The following LSG1 variants were observed in gnomAD, a reference collection of about 807,000 sequenced individuals.
LSG1 encodes large 60S subunit nuclear export GTPase 1, also known as large subunit GTPase 1 homolog.
In LSG1, 55 loss-of-function variants were observed where a neutral mutation model predicts 82.6. That is an observed-to-expected ratio of 0.67 (90% CI 0.54 to 0.83). The LOEUF (loss-of-function observed/expected upper bound fraction) is 0.83. Among genes scored for constraint, LSG1 ranks in the 40% least tolerant of loss-of-function variants. The probability of loss-of-function intolerance (pLI) is 0.00; values close to 1 mark genes in which losing one functional copy is unlikely to be tolerated. For synonymous variants in LSG1, 272 were observed against 282.5 expected, an observed-to-expected ratio of 0.96 and a Z score of 0.37; for missense variants, 809 against 807.9, an observed-to-expected ratio of 1.00 and a Z score of -0.02.
At chr3:194,653,225 C>T in intron 7 of LSG1, 83 bp from the exon 8 acceptor site, 1 of 1,405,720 alleles carries the variant, frequency 7.1e-7, no homozygotes, top group Non-Finnish European at 9.8e-7. Flanking sequence ...GTAAGATGGA[C>T]AGAGGATGGC....
At chr3:194,654,185 T>C (rs543945122) in intron 7 of LSG1, among the ~76,000 whole-genome samples, 5 of 152,162 alleles carry the variant, frequency 3.3e-5, no homozygotes, top group Non-Finnish European at 4.4e-5. Flanking sequence ...CACACACAGA[T>C]CCCTGTGTGT....
At position 194,646,083 on chromosome 3, in the gene LSG1, G is replaced by T. The variant is rs186321144; in HGVS notation, c.1623+81C>A. ...ATGAAAAAATATTTCCTTTATAATC[G>T]AACAGGTTACCATTATCTAAGAACG... On this transcript the variant is annotated intron_variant, in intron 12 of 13. Transcript: ENST00000265245. The T allele has an allele frequency of 8.2e-6, 11 of 1,340,456 alleles. No homozygotes were observed. The African/African-American group carries it at 1.3e-4, about 16-fold the overall frequency. The allele number at this position is 1,340,456 out of a possible 1,614,324, so 83.0% of individuals were successfully genotyped here.
rs1560218843 is a variant in LSG1, at chr3:194,644,391, TAAATAAATA to T, written c.1797+173_1797+181del. ...CTCAAAAAAAAAAAATAAAAATAAATAAATAAATAAATAAATAAATAAATAAATAAATAA... is the reference window on the plus strand; with the variant it reads ...CTCAAAAAAAAAAAATAAAAATAAATAATAAATAAATAAATAAATAAATAA... On this transcript the variant is annotated intron_variant, in intron 13 of 13. Coordinates refer to ENST00000265245, the MANE Select transcript of LSG1 (RefSeq NM_018385.3). Among the ~76,000 whole-genome samples the T allele has an allele frequency of 5.0e-4, 37 of 73,716 alleles. 1 individual carries two copies. Among genetic ancestry groups the T allele is most frequent in the African/African-American group, 1.6e-3 (36 of 22,046 alleles). The allele number at this position is 73,716 out of a possible 152,430, so 48.4% of individuals were successfully genotyped here.
chr3:194,662,370 G>C (rs180872017), intron 5 of LSG1, among the ~76,000 whole-genome samples: 7 of 152,368 alleles, frequency 4.6e-5, no homozygotes, highest in African/African-American at 1.7e-4. Flanking sequence ...GGGGAATTCA[G>C]CATAAGCCTA....
chr3:194,663,242 G>A (rs1305313518), intron 5 of LSG1, among the ~76,000 whole-genome samples: 2 of 152,162 alleles, frequency 1.3e-5, no homozygotes, highest in Non-Finnish European at 2.9e-5. Context: ...CAACGAAGAG[G>A]CTACTCTGCT....
chr3:194,652,723 T>C lies in LSG1; in HGVS notation c.1173+6A>G, dbSNP rs1278830677. The C allele has an allele frequency of 1.2e-6, 2 of 1,609,828 alleles. No individual in the cohort carries two copies. Among genetic ancestry groups the C allele is most frequent in the Admixed American group, 1.7e-5 (1 of 59,754 alleles). ...GGTAACAATGTTATGACATATGTCA[T>C]CTTACCAGTCCGACCGTAAGTTGCC... is the stretch of plus-strand genomic sequence containing the variant. On this transcript the variant is annotated splice_donor_region_variant and intron_variant, in intron 8 of 13. Transcript: ENST00000265245.
At position 194,648,745 on chromosome 3, in the gene LSG1, C is replaced by T. The variant is rs59999692; in HGVS notation, c.1479G>A (p.Thr493=). 5.0e-4 allele frequency: 800 copies of T among 1,614,024 alleles called. 6 individuals are homozygous for T. The African/African-American group carries it at 7.8e-3, about 16-fold the overall frequency. The change falls in exon 11 of 14, where the codon ACG becomes ACA. Residue 493 remains threonine (T), a synonymous_variant. Coordinates refer to ENST00000265245, the MANE Select transcript of LSG1 (RefSeq NM_018385.3). ...GGTGGGGATCTTCATCCTCTCTAGG[C>T]GTTATGATGTTAATGCCATAGGTAG... is the stretch of plus-strand genomic sequence containing the variant. The part of the protein sequence containing the change: ...LEATYGINII[T]PREDEDPHRP...
chr3:194,662,090 G>A (rs187957792), intron 5 of LSG1, among the ~76,000 whole-genome samples: 104 of 152,316 alleles, frequency 6.8e-4, no homozygotes, highest in African/African-American at 2.3e-3. Context: ...TCATGCCCCT[G>A]ACGCCCAAGA....
At chr3:194,656,072 A>G (rs1316074466) in intron 7 of LSG1, among the ~76,000 whole-genome samples, 2 of 152,128 alleles carry the variant, frequency 1.3e-5, no homozygotes, top group African/African-American at 4.8e-5. Flanking sequence ...AGGCAATACC[A>G]TTCAGGACAC....
intron 7 of LSG1, 97 bp downstream of exon 7, chr3:194,658,860 G>A (rs1021896617): frequency 5.5e-5 from 68 of 1,232,986 alleles, no homozygotes; most frequent in Non-Finnish European, 7.6e-5. Flanking sequence ...AATTCCCACA[G>A]ATTTTCCATA....
Position 194,659,056 on chromosome 3 carries a change from C to G in LSG1, c.660G>C (p.Glu220Asp). 2 of 1,614,198 alleles carry G rather than the reference C, an allele frequency of 1.2e-6. No homozygotes were observed. The change falls in exon 7 of 14, where the codon GAG becomes GAC. Residue 220 changes from glutamate to aspartate, a missense_variant. Physicochemically the swap from Glu to Asp is conservative, Grantham distance 45. Transcript: ENST00000265245. ...AGTACATGGCCCAGGCACTCCGCTG[C>G]TCAGCAGTCAGCAAGTCTGCCTTGT... ...LINKADLLTA[E>D]QRSAWAMYFE...
chr3:194,661,157 G>C (rs991940477), intron 5 of LSG1, among the ~76,000 whole-genome samples: 7 of 152,218 alleles, frequency 4.6e-5, no homozygotes, highest in African/African-American at 1.7e-4. Flanking sequence ...TTTTAGGATA[G>C]TTAAAATGTC....
intron 5 of LSG1, among the ~76,000 whole-genome samples, chr3:194,662,587 A>G (rs576005776): frequency 6.6e-6 from 1 of 152,092 alleles, no homozygotes; most frequent in South Asian, 2.1e-4. Context: ...ACATGGAGAA[A>G]CCCCGTCTCT....
In LSG1 at chr3:194,652,854, T is replaced by C. The variant is rs1486792674; in HGVS notation, c.1048A>G (p.Lys350Glu). Residue 350 changes from lysine to glutamate, a missense_variant, in exon 8 of 14, where the codon AAA becomes GAA. Coordinates refer to ENST00000265245, the MANE Select transcript of LSG1 (RefSeq NM_018385.3). ...TGTATCTGCCTCTTCTGTGGGGTTTTCCTGCTCCGAGCCTCAGAATCTGCA... is the reference window on the plus strand; with the variant it reads ...TGTATCTGCCTCTTCTGTGGGGTTTCCCTGCTCCGAGCCTCAGAATCTGCA... ...STADSEARSR[K>E]TPQKRQIHNF... The C allele has an allele frequency of 6.2e-7, 1 of 1,614,058 alleles. No homozygotes were observed. Among genetic ancestry groups the C allele is most frequent in the Non-Finnish European group, 8.5e-7 (1 of 1,180,048 alleles).
intron 7 of LSG1, among the ~76,000 whole-genome samples, chr3:194,656,233 A>C (rs1718786949): frequency 6.6e-6 from 1 of 150,696 alleles, no homozygotes; most frequent in Admixed American, 6.6e-5. Context: ...AATGGGAGAA[A>C]ATTTTTGCAA....
chr3:194,660,776 C>T, intron 5 of LSG1: 1 of 426,152 alleles, frequency 2.3e-6, no homozygotes, highest in Non-Finnish European at 4.7e-6. Flanking sequence ...ATGGCAAGTC[C>T]AACTTCTTCC....
At chr3:194,660,972 G>A in intron 5 of LSG1, 1 of 450,568 alleles carries the variant, frequency 2.2e-6, no homozygotes, top group Non-Finnish European at 4.5e-6. Context: ...GGCCCACCGT[G>A]ACTGCCGCTG....
chr3:194,665,148 T>C (rs757767546), intron 5 of LSG1, among the ~76,000 whole-genome samples: 11 of 152,180 alleles, frequency 7.2e-5, no homozygotes, highest in South Asian at 6.2e-4. Context: ...GTGCTTTGCT[T>C]AGCATTTAGC....
At chr3:194,644,546 A>T (rs1382294646) in intron 13 of LSG1, 27 bp downstream of exon 13, 1 of 1,577,278 alleles carries the variant, frequency 6.3e-7, no homozygotes, top group Non-Finnish European at 8.7e-7. Context: ...GTTGGATCAG[A>T]AGTTTAAGAA....
Sources: allele counts gnomAD v4.1 joint callset (sites outside exome capture counted in the v4.1 genomes callset), GRCh38; gene constraint gnomAD v4.1.1; transcripts MANE v1.5; gene names NCBI Gene and HGNC (gene_info 2026-07-23, HGNC 2026-07-21).